The following STK10 variants were observed in gnomAD, a reference collection of about 807,000 sequenced individuals.
The protein encoded by STK10 is serine/threonine-protein kinase 10.
A neutral mutation model predicts 113.8 loss-of-function variants in STK10; 78 were observed. The ratio of observed to expected loss-of-function variants is 0.69; its 90% CI spans 0.57 to 0.83. The LOEUF (loss-of-function observed/expected upper bound fraction) is 0.83, where lower values mean the gene tolerates loss of function less well. STK10 is among the 40% of genes least tolerant of loss of function. The probability of loss-of-function intolerance (pLI) is 0.00; values close to 1 mark genes in which losing one functional copy is unlikely to be tolerated. For synonymous variants in STK10, 465 were observed against 494.7 expected, an observed-to-expected ratio of 0.94 and a Z score of 0.80; for missense variants, 1,109 against 1,280.1, an observed-to-expected ratio of 0.87 and a Z score of 2.04.
intron 1 of STK10, among the ~76,000 whole-genome samples, chr5:172,163,424 T>A (rs1191726934): frequency 6.6e-6 from 1 of 152,136 alleles, no homozygotes; most frequent in Non-Finnish European, 1.5e-5. Flanking sequence ...TAAAGATGAA[T>A]GACAATCACA....
intron 10 of STK10, among the ~76,000 whole-genome samples, chr5:172,083,895 C>T (rs912953832): frequency 2.3e-5 from 3 of 128,910 alleles, no homozygotes; most frequent in African/African-American, 3.0e-5. Context: ...ACTACAAGAG[C>T]GAAACTCCGT....
chr5:172,122,820 T>C (rs1769542894), intron 3 of STK10, among the ~76,000 whole-genome samples: 1 of 152,188 alleles, frequency 6.6e-6, no homozygotes, highest in African/African-American at 2.4e-5. Context: ...AGACGAGGTT[T>C]CACCATGTTA....
At chr5:172,122,919 G>A (rs938363712) in intron 3 of STK10, among the ~76,000 whole-genome samples, 7 of 152,296 alleles carry the variant, frequency 4.6e-5, no homozygotes, top group Middle Eastern at 3.4e-3. Context: ...CACCGCGCCC[G>A]GCCAAGACCC....
At chr5:172,116,056 G>A (rs1769375778) in intron 4 of STK10, among the ~76,000 whole-genome samples, 1 of 152,092 alleles carries the variant, frequency 6.6e-6, no homozygotes, top group South Asian at 2.1e-4. Context: ...CACCAACTAT[G>A]TGTTGTTTGT....
intron 2 of STK10, among the ~76,000 whole-genome samples, chr5:172,134,584 T>C (rs886930691): frequency 1.3e-5 from 2 of 151,970 alleles, no homozygotes; most frequent in African/African-American, 4.8e-5. Context: ...TTCATCAACA[T>C]TGAACATATT....
intron 1 of STK10, among the ~76,000 whole-genome samples, chr5:172,170,236 G>A (rs1415010811): frequency 6.6e-6 from 1 of 151,824 alleles, no homozygotes; most frequent in East Asian, 1.9e-4. Flanking sequence ...CATAAGAGAG[G>A]AAAGGAAAGT....
chr5:172,133,509 C>T lies in STK10; in HGVS notation c.322-6088G>A, dbSNP rs576865538. 5.1e-4 allele frequency among the ~76,000 whole-genome samples: 78 copies of T among 152,288 alleles called. 1 individual carries two copies. The highest frequency in any genetic ancestry group is 1.8e-3 in the African/African-American group (76 of 41,562). The stretch of plus-strand genomic sequence containing the variant: ...AGCCAGTCAGGAAAATTTTCTGCCT[C>T]GTGCCCTGACTCAGGGCTGGTGTCA... On this transcript the variant is annotated intron_variant, in intron 2 of 18. Coordinates refer to ENST00000176763, the MANE Select transcript of STK10 (RefSeq NM_005990.4). This position sits in a 1 kb window ranked among gnomAD's most constrained non-coding sequence, Gnocchi z 4.9.
chr5:172,154,388 G>A lies in STK10; in HGVS notation c.321+2236C>T, dbSNP rs112746827. 1.3e-3 allele frequency among the ~76,000 whole-genome samples: 196 copies of A among 152,246 alleles called. 1 individual carries two copies. Among genetic ancestry groups the A allele is most frequent in the African/African-American group, 4.6e-3 (191 of 41,554 alleles). Reference sequence around the variant, plus strand: ...CTCATCTTTCACCACATGCTGCCCTGGCCCTAGACTAGCCACCTCCCAAAC... The same window carrying A: ...CTCATCTTTCACCACATGCTGCCCTAGCCCTAGACTAGCCACCTCCCAAAC... On this transcript the variant is annotated intron_variant, in intron 2 of 18. Transcript: ENST00000176763.
chr5:172,072,719 A>T (rs984887607), intron 12 of STK10, among the ~76,000 whole-genome samples: 1 of 152,238 alleles, frequency 6.6e-6, no homozygotes, highest in Non-Finnish European at 1.5e-5. Flanking sequence ...CAAGGCAAAG[A>T]TGTCCTCTCT....
rs1768461323 is a variant in STK10 at position 172,082,711 on chromosome 5, T to G, written c.1810-206A>C. Among the ~76,000 whole-genome samples the G allele has an allele frequency of 6.6e-6, 1 of 152,180 alleles. No individual in the cohort carries two copies. Among genetic ancestry groups the G allele is most frequent in the South Asian group, 2.1e-4 (1 of 4,824 alleles). ...TCTGCAAAAGGGAGACCAGACCATG[T>G]GTTGTTGCACGGTGCTCAATACAGG... is the stretch of plus-strand genomic sequence containing the variant. On this transcript the variant is annotated intron_variant, in intron 11 of 18. Coordinates refer to ENST00000176763, the MANE Select transcript of STK10 (RefSeq NM_005990.4). This position sits in a 1 kb window ranked among gnomAD's most constrained non-coding sequence, Gnocchi z 4.3.
At chr5:172,153,189 G>A (rs964907175) in intron 2 of STK10, among the ~76,000 whole-genome samples, 5 of 152,082 alleles carry the variant, frequency 3.3e-5, no homozygotes, top group Non-Finnish European at 7.3e-5. Context: ...AGGAGGCTGA[G>A]GCAAGAGAAT....
intron 10 of STK10, among the ~76,000 whole-genome samples, chr5:172,086,359 C>T (rs189841521): frequency 1.0e-3 from 156 of 152,118 alleles, no homozygotes; most frequent in African/African-American, 3.6e-3. Context: ...AGAGTGTTAA[C>T]GAGGAAATGG....
At chr5:172,155,411 T>G (rs773777383) in intron 2 of STK10, among the ~76,000 whole-genome samples, 1 of 151,406 alleles carries the variant, frequency 6.6e-6, no homozygotes, top group Admixed American at 6.6e-5. Context: ...GGCAGGAGAA[T>G]TGCTTGAACC....
Position 172,042,848 on chromosome 5 carries a change from T to G in STK10, c.*2034A>C, listed in dbSNP as rs751567234. 6.6e-6 allele frequency: 1 copy of G among 152,258 alleles called. No homozygotes were observed. Among genetic ancestry groups the G allele is most frequent in the Non-Finnish European group, 1.5e-5 (1 of 68,052 alleles). 9.4% of individuals were successfully genotyped at this position (152,258 alleles called of 1,614,324 possible). A position where few individuals can be genotyped will look rare whatever the true frequency, so the allele number is the denominator to read the frequency against. On this transcript the variant is annotated 3_prime_UTR_variant, in exon 19 of 19. Coordinates refer to ENST00000176763, the MANE Select transcript of STK10 (RefSeq NM_005990.4). Reference sequence around the variant, plus strand: ...GAATCTTGACTGTGCATTTAAGATTTGGGCAGTCCCCTTTTCCTGTTGAAG... The same window carrying G: ...GAATCTTGACTGTGCATTTAAGATTGGGGCAGTCCCCTTTTCCTGTTGAAG...
chr5:172,108,660 C>T (rs1362092290), intron 4 of STK10, among the ~76,000 whole-genome samples: 1 of 151,624 alleles, frequency 6.6e-6, no homozygotes, highest in Non-Finnish European at 1.5e-5. Flanking sequence ...TGGCATGTCC[C>T]TGCAGTCCCA....
intron 14 of STK10, among the ~76,000 whole-genome samples, chr5:172,059,960 T>C (rs1253303447): frequency 6.6e-6 from 1 of 152,166 alleles, no homozygotes; most frequent in African/African-American, 2.4e-5. Flanking sequence ...GCAACCTCAG[T>C]GCTATGATCT....
Position 172,109,710 on chromosome 5 carries a change from C to T in STK10, c.521-1858G>A, listed in dbSNP as rs146391991. On this transcript the variant is annotated intron_variant, in intron 4 of 18. Coordinates refer to ENST00000176763, the MANE Select transcript of STK10 (RefSeq NM_005990.4). ...CTACCAAGAGAAATTTTCTCCAGGG[C>T]TCCTGCCTTCTGTGGTGAAGTTTCA... 5.9e-5 allele frequency among the ~76,000 whole-genome samples: 9 copies of T among 152,330 alleles called. No individual in the cohort carries two copies. The East Asian group carries it at 1.7e-3, about 29-fold the overall frequency.
chr5:172,042,190 T>C lies in STK10; in HGVS notation c.*2692A>G, dbSNP rs1767387879. The C allele has an allele frequency of 6.6e-6, 1 of 152,626 alleles. No individual in the cohort carries two copies. The highest frequency in any genetic ancestry group is 2.4e-5 in the African/African-American group (1 of 41,436). 9.5% of individuals were successfully genotyped at this position (152,626 alleles called of 1,614,324 possible). ...GGAAACTACATAAAAATAATTTCTA[T>C]CTTTCATAAAGGGAAAATAAAAGTT... is the stretch of plus-strand genomic sequence containing the variant. On this transcript the variant is annotated 3_prime_UTR_variant, in exon 19 of 19. Coordinates refer to ENST00000176763, the MANE Select transcript of STK10 (RefSeq NM_005990.4).
intron 12 of STK10, among the ~76,000 whole-genome samples, chr5:172,068,056 A>G (rs1768105931): frequency 2.0e-5 from 3 of 152,172 alleles, no homozygotes; most frequent in African/African-American, 7.2e-5. Flanking sequence ...GTGCTGAAAG[A>G]AGGGCCGGGC....
Sources: allele counts gnomAD v4.1 joint callset (sites outside exome capture counted in the v4.1 genomes callset), GRCh38; gene constraint gnomAD v4.1.1; non-coding constraint Gnocchi (gnomAD v3.1); transcripts MANE v1.5; gene names NCBI Gene and HGNC (gene_info 2026-07-23, HGNC 2026-07-21).